TENM2: variants seen among roughly 807,000 people sequenced by gnomAD.
TENM2 encodes teneurin transmembrane protein 2.
A neutral mutation model predicts 245.2 loss-of-function variants in TENM2; 52 were observed. The observed-to-expected ratio is 0.21, with a 90% CI of 0.17 to 0.27. TENM2 has a LOEUF of 0.27. Ranked by LOEUF, TENM2 falls within the 10% of genes least tolerant of loss-of-function variation. The pLI is 1.00. For missense variants in TENM2, 3,046 were observed against 3,666.8 expected (o/e 0.83, Z 4.37); for synonymous variants, 1,363 against 1,438.9 (o/e 0.95, Z 1.19).
At position 168,218,414 on chromosome 5, in the gene TENM2, G is replaced by C. The variant is rs762699522; in HGVS notation, c.4523G>C (p.Gly1508Ala). Residue 1508 changes from glycine (G) to alanine (A), a missense_variant, in exon 23 of 29, where the codon GGG becomes GCG. Gly to Ala is a moderately conservative substitution (Grantham distance 60). Coordinates refer to ENST00000518659, the Ensembl canonical transcript of TENM2. This position sits in a 1 kb window ranked among gnomAD's most constrained non-coding sequence, Gnocchi z 5.2. Reference sequence around the variant, plus strand: ...CGTCTACGCCAGGTAACAACCAACGGGGAGATCTGCCTTTTAGCTGGGGCA... The same window carrying C: ...CGTCTACGCCAGGTAACAACCAACGCGGAGATCTGCCTTTTAGCTGGGGCA... The C allele has an allele frequency of 3.7e-6, 6 of 1,613,902 alleles. No homozygotes were observed. The African/African-American group carries it at 6.7e-5, about 18-fold the overall frequency.
rs1416198050 is a variant in TENM2, at chr5:167,350,473, A to G, written c.227-24725A>G. On this transcript the variant is annotated intron_variant, in intron 1 of 28. Coordinates refer to ENST00000518659, the Ensembl canonical transcript of TENM2. Reference sequence around the variant, plus strand: ...TGTATGTCCCATATATATGGGGTATATGTATATATCCTATCTATATATATA... The same window carrying G: ...TGTATGTCCCATATATATGGGGTATGTGTATATATCCTATCTATATATATA... Among the ~76,000 whole-genome samples, 7 of 148,594 alleles carry G rather than the reference A, an allele frequency of 4.7e-5. No homozygotes were observed. The East Asian group carries it at 1.4e-3, about 29-fold the overall frequency.
chr5:167,932,702 G>A (rs1335005025), intron 3 of TENM2, among the ~76,000 whole-genome samples: 1 of 152,006 alleles, frequency 6.6e-6, no homozygotes, highest in Non-Finnish European at 1.5e-5. Context: ...TTCCTATGAA[G>A]ATCCAGATAG....
At chr5:167,363,137 T>G (rs1759815013) in intron 1 of TENM2, among the ~76,000 whole-genome samples, 1 of 152,098 alleles carries the variant, frequency 6.6e-6, no homozygotes, top group African/African-American at 2.4e-5. Context: ...GAAATAAAAA[T>G]AAGCAAAAGT....
chr5:167,080,708 G>A, the TENM2 span, among the ~76,000 whole-genome samples: 66 of 152,016 alleles, frequency 4.3e-4, no homozygotes, highest in African/African-American at 1.5e-3. Flanking sequence ...ACAAATAAGG[G>A]CTTGATTAAA....
intron 2 of TENM2, among the ~76,000 whole-genome samples, chr5:167,837,270 C>T (rs1769090166): frequency 6.6e-6 from 1 of 152,126 alleles, no homozygotes; most frequent in Non-Finnish European, 1.5e-5. Flanking sequence ...TTACAAAAAG[C>T]TGAAAGAGTG....
rs184613963 is a variant in TENM2, at chr5:167,902,309, G to C, written c.712+26114G>C. Among the ~76,000 whole-genome samples the C allele has an allele frequency of 4.3e-4, 66 of 152,306 alleles. 1 individual carries two copies. The highest frequency in any genetic ancestry group is 3.4e-3 in the Middle Eastern group (1 of 294). Reference sequence around the variant, plus strand: ...AAAGTGCTCGACAACTGTTATAAAGGATTTGGAAACTGTCTTCTCAAGGTG... The same window carrying C: ...AAAGTGCTCGACAACTGTTATAAAGCATTTGGAAACTGTCTTCTCAAGGTG... On this transcript the variant is annotated intron_variant, in intron 3 of 28. Coordinates refer to ENST00000518659, the Ensembl canonical transcript of TENM2.
chr5:167,565,968 T>C (rs1021625418), intron 2 of TENM2, among the ~76,000 whole-genome samples: 1 of 152,150 alleles, frequency 6.6e-6, no homozygotes, highest in Non-Finnish European at 1.5e-5. Context: ...TTAAGCCCCT[T>C]ATTATAGGGG....
intron 4 of TENM2, among the ~76,000 whole-genome samples, chr5:167,974,343 A>G (rs1270441386): frequency 7.4e-5 from 4 of 54,166 alleles, no homozygotes; most frequent in Non-Finnish European, 1.4e-4. Flanking sequence ...GGAAGGAAGG[A>G]AGGAAGGGAA....
chr5:167,331,823 G>C (rs1226760410), intron 1 of TENM2, among the ~76,000 whole-genome samples: 2 of 152,162 alleles, frequency 1.3e-5, no homozygotes, highest in African/African-American at 2.4e-5. Flanking sequence ...AGCCCAAGTG[G>C]TGTGGAAAAC....
chr5:167,428,509 T>A (rs144166075), intron 2 of TENM2, among the ~76,000 whole-genome samples: 20 of 152,382 alleles, frequency 1.3e-4, no homozygotes, highest in African/African-American at 4.8e-4. Context: ...CTTCCTTTTT[T>A]ATTTTATATA....
chr5:167,070,386 C>G, the TENM2 span, among the ~76,000 whole-genome samples: 6 of 150,190 alleles, frequency 4.0e-5, no homozygotes, highest in African/African-American at 1.5e-4. Context: ...ATCTTGGCCT[C>G]CCAAAGTGCT....
rs898130677 is a variant in TENM2, at chr5:167,934,798, G to A, written c.713-17790G>A. On this transcript the variant is annotated intron_variant, in intron 3 of 28. Coordinates refer to ENST00000518659, the Ensembl canonical transcript of TENM2. ...AGCCCATTCAGGGCAGCCTTCCAGG[G>A]CCTGGCATGTGTGTGCTCAGCATCA... 15 of 949,406 alleles carry A rather than the reference G, an allele frequency of 1.6e-5. No homozygotes were observed. In the African/African-American group the frequency reaches 2.1e-4, roughly 13 times the overall value. The allele number at this position is 949,406 out of a possible 1,614,324, so 58.8% of individuals were successfully genotyped here.
intron 2 of TENM2, among the ~76,000 whole-genome samples, chr5:167,515,292 C>T (rs1459914265): frequency 1.3e-5 from 2 of 152,030 alleles, no homozygotes; most frequent in Admixed American, 1.3e-4. Context: ...CTGTCTACAG[C>T]ATGTAGACTG....
At chr5:167,070,424 C>T in the TENM2 span, among the ~76,000 whole-genome samples, 19 of 151,846 alleles carry the variant, frequency 1.3e-4, no homozygotes, top group Admixed American at 2.0e-4. Flanking sequence ...CCACTGCGCC[C>T]AGCCTCATTT....
At chr5:167,703,100 A>G (rs1758275434) in intron 2 of TENM2, among the ~76,000 whole-genome samples, 1 of 152,172 alleles carries the variant, frequency 6.6e-6, no homozygotes, top group African/African-American at 2.4e-5. Flanking sequence ...ACCTACATTC[A>G]TATAGACCTT....
the TENM2 span, among the ~76,000 whole-genome samples, chr5:167,208,789 A>G: frequency 1.3e-5 from 2 of 152,220 alleles, 1 homozygote; most frequent in South Asian, 4.1e-4. Context: ...TTCAGCCTAT[A>G]TGTATTATTC....
chr5:168,200,554 C>T (rs1408667262), intron 17 of TENM2, among the ~76,000 whole-genome samples: 1 of 152,086 alleles, frequency 6.6e-6, no homozygotes, highest in South Asian at 2.1e-4. Flanking sequence ...GCCAGTGTAG[C>T]TGGAGTGTAG....
chr5:167,688,475 A>C (rs546496691), intron 2 of TENM2, among the ~76,000 whole-genome samples: 1 of 152,316 alleles, frequency 6.6e-6, no homozygotes, highest in South Asian at 2.1e-4. Context: ...CATCCTCAAA[A>C]CACTAGTGTT....
At chr5:167,244,978 C>T in the TENM2 span, among the ~76,000 whole-genome samples, 1 of 152,046 alleles carries the variant, frequency 6.6e-6, no homozygotes, top group African/African-American at 2.4e-5. Flanking sequence ...TCAGAAAATG[C>T]AAAGGAACAC....
Sources: allele counts gnomAD v4.1 joint callset (sites outside exome capture counted in the v4.1 genomes callset), GRCh38; gene constraint gnomAD v4.1.1; non-coding constraint Gnocchi (gnomAD v3.1); transcripts MANE v1.5; gene names NCBI Gene and HGNC (gene_info 2026-07-23, HGNC 2026-07-21).